POLD3: variants seen among roughly 807,000 people sequenced by gnomAD.
POLD3 encodes the protein DNA polymerase delta subunit 3.
In POLD3, 19 loss-of-function variants were observed where a neutral mutation model predicts 58.2. The observed-to-expected ratio is 0.33, with a 90% CI of 0.23 to 0.48. The LOEUF is 0.48. Among genes scored for constraint, POLD3 ranks in the 20% least tolerant of loss-of-function variants. The pLI is 0.99. For synonymous variants in POLD3, 172 were observed against 193.5 expected (o/e 0.89, Z 0.92); for missense variants, 504 against 545.5 (o/e 0.92, Z 0.76).
chr11:74,618,614 A>G lies in POLD3; in HGVS notation c.470A>G (p.Gln157Arg), dbSNP rs763403847. 1 of 1,613,984 alleles carries G rather than the reference A, an allele frequency of 6.2e-7. No homozygotes were observed. Among genetic ancestry groups the G allele is most frequent in the Non-Finnish European group, 8.5e-7 (1 of 1,179,934 alleles). The change falls in exon 6 of 12, where the codon CAG becomes CGG. Residue 157 changes from glutamine to arginine, a missense_variant. By Grantham distance (43) the Gln-to-Arg change is conservative. Around this residue, in one of 2 missense-constraint regions of POLD3, gnomAD observed 385 missense variants for 370.5 expected, o/e 1.04. Transcript: ENST00000263681. ...TCTTCGTCTTCCAAAAAGTTTGAGCAGTCACATCTTCACATGTCAAGTGAG... is the reference window on the plus strand; with the variant it reads ...TCTTCGTCTTCCAAAAAGTTTGAGCGGTCACATCTTCACATGTCAAGTGAG... Reference protein sequence around the residue: ...ESSSSSKKFEQSHLHMSSETQ... With the variant: ...ESSSSSKKFERSHLHMSSETQ...
intron 8 of POLD3, among the ~76,000 whole-genome samples, chr11:74,627,445 A>C (rs565965853): frequency 7.9e-5 from 12 of 151,860 alleles, no homozygotes; most frequent in Non-Finnish European, 1.5e-4. Context: ...AGTTAAAGTA[A>C]GCTGTTTATT....
rs1453976590 is a variant in POLD3 at position 74,668,815 on chromosome 11, G to T, written c.409G>T (p.Glu137Ter). ...GCAGTCCCACTCACTAGACATTTTG[G>T]AGCATTACGTGGAAATGCCCATCCA... The change falls in exon 5 of 5, where the codon GAG becomes TAG. Residue 137 changes from glutamate to a stop codon, truncating the protein, a stop_gained. Transcript: ENST00000524752. LOFTEE classifies it low-confidence loss of function (END_TRUNC). 7.8e-7 allele frequency: 1 copy of T among 1,286,612 alleles called. No homozygotes were observed. Among genetic ancestry groups the T allele is most frequent in the South Asian group, 1.2e-5 (1 of 80,862 alleles). The allele number at this position is 1,286,612 out of a possible 1,614,324, so 79.7% of individuals were successfully genotyped here. A position where few individuals can be genotyped will look rare whatever the true frequency, so the allele number is the denominator to read the frequency against.
intron 5 of POLD3, among the ~76,000 whole-genome samples, chr11:74,613,417 T>C (rs2135140713): frequency 1.1e-5 from 1 of 88,702 alleles, no homozygotes; most frequent in Non-Finnish European, 2.1e-5. Context: ...TGAGCTTCCA[T>C]AGCCAGGATC....
chr11:74,619,180 C>T (rs114844318), intron 6 of POLD3, among the ~76,000 whole-genome samples: 255 of 152,280 alleles, frequency 1.7e-3, no homozygotes, highest in African/African-American at 5.9e-3. Context: ...GCAACATATA[C>T]CTTCCTTCCT....
At position 74,618,593 on chromosome 11, in the gene POLD3, C is replaced by G. The variant is rs116112251; in HGVS notation, c.449C>G (p.Ser150Trp). ...CCTAGAGCTCCTGCTGAATCCTCTT[C>G]GTCTTCCAAAAAGTTTGAGCAGTCA... ...AVPRAPAESS[S>W]SSKKFEQSHL... is the part of the protein sequence containing the mutation. The change falls in exon 6 of 12, where the codon TCG becomes TGG. Residue 150 changes from serine (S) to tryptophan (W), a missense_variant. Physicochemically the swap from Ser to Trp is radical, Grantham distance 177 (BLOSUM62 -3). This residue lies in a region of POLD3 where 385 missense variants were observed against 370.5 expected (regional missense o/e 1.04). Coordinates refer to ENST00000263681, the MANE Select transcript of POLD3 (RefSeq NM_006591.3). The G allele has an allele frequency of 1.2e-6, 2 of 1,613,568 alleles. No homozygotes were observed.
At chr11:74,623,463 A>G in intron 7 of POLD3, among the ~76,000 whole-genome samples, 1 of 152,000 alleles carries the variant, frequency 6.6e-6, no homozygotes, top group Non-Finnish European at 1.5e-5. Flanking sequence ...TAAATAAGTA[A>G]ATAAAGGTTG....
intron 4 of POLD3, among the ~76,000 whole-genome samples, chr11:74,659,169 C>G (rs1182174272): frequency 6.6e-6 from 1 of 152,224 alleles, no homozygotes; most frequent in African/African-American, 2.4e-5. Context: ...CACATGGAAG[C>G]TGCCAAGGCT....
At chr11:74,652,195 T>C (rs1266605009) in intron 4 of POLD3, among the ~76,000 whole-genome samples, 1 of 152,218 alleles carries the variant, frequency 6.6e-6, no homozygotes, top group Non-Finnish European at 1.5e-5. Flanking sequence ...AAATTGAATG[T>C]CTCGAAAGCA....
chr11:74,593,349 A>G (rs1241705792), intron 1 of POLD3, among the ~76,000 whole-genome samples: 1 of 152,154 alleles, frequency 6.6e-6, no homozygotes, highest in Non-Finnish European at 1.5e-5. Context: ...TGAGGGGCCA[A>G]ATAACTTGTT....
intron 8 of POLD3, 88 bp from the exon 9 acceptor site, chr11:74,629,129 G>A (rs948828935): frequency 5.4e-6 from 4 of 743,198 alleles, no homozygotes; most frequent in African/African-American, 3.7e-5. Flanking sequence ...TTAAGACCAC[G>A]AGTTATAAAG....
chr11:74,623,269 T>TA (rs901647070), intron 7 of POLD3, among the ~76,000 whole-genome samples: 17 of 151,838 alleles, frequency 1.1e-4, no homozygotes, highest in South Asian at 4.2e-4. Flanking sequence ...CCATCTCTCC[T>TA]AAAAAAATAC....
chr11:74,599,010 A>G (rs2031383094), intron 2 of POLD3, among the ~76,000 whole-genome samples: 1 of 152,216 alleles, frequency 6.6e-6, no homozygotes, highest in South Asian at 2.1e-4. Flanking sequence ...ATGCCAATAC[A>G]TACTGAATGA....
At chr11:74,634,802 G>A in intron 10 of POLD3, 107 bp downstream of exon 10, 1 of 687,982 alleles carries the variant, frequency 1.5e-6, no homozygotes, top group South Asian at 1.5e-5. Context: ...ACAAATGCCA[G>A]TAGATGGCTC....
chr11:74,620,529 A>G (rs1168418685), intron 7 of POLD3, among the ~76,000 whole-genome samples: 1 of 152,066 alleles, frequency 6.6e-6, no homozygotes, highest in Non-Finnish European at 1.5e-5. Context: ...TTCTTCAGTT[A>G]TTTTTTGCAG....
At chr11:74,668,067 G>A (rs1384365004) in intron 4 of POLD3, among the ~76,000 whole-genome samples, 1 of 152,208 alleles carries the variant, frequency 6.6e-6, no homozygotes, top group Admixed American at 6.5e-5. Flanking sequence ...TAAACAAAAA[G>A]AGACAATAGC....
At chr11:74,626,749 A>G (rs2032444131) in intron 8 of POLD3, among the ~76,000 whole-genome samples, 1 of 152,162 alleles carries the variant, frequency 6.6e-6, no homozygotes, top group African/African-American at 2.4e-5. Flanking sequence ...AAGATTACTC[A>G]TGCGCTGCAT....
chr11:74,624,629 C>T (rs2032375963), intron 7 of POLD3, among the ~76,000 whole-genome samples: 1 of 152,162 alleles, frequency 6.6e-6, no homozygotes, highest in African/African-American at 2.4e-5. Context: ...AGCGTGAAGG[C>T]TAGATGACAT....
At chr11:74,665,759 C>T (rs938905245) in intron 4 of POLD3, among the ~76,000 whole-genome samples, 3 of 152,058 alleles carry the variant, frequency 2.0e-5, no homozygotes, top group Admixed American at 6.5e-5. Flanking sequence ...ACTTCCTCTA[C>T]CTCATAAAGG....
downstream of POLD3, among the ~76,000 whole-genome samples, chr11:74,645,938 A>C (rs538449409): frequency 1.1e-4 from 16 of 149,796 alleles, no homozygotes; most frequent in African/African-American, 3.9e-4. Context: ...GTGATGATTG[A>C]TGTTTTTTTT....
Sources: gnomAD v4.1 joint callset for allele counts (sites outside exome capture counted in the v4.1 genomes callset) on GRCh38, gnomAD v4.1.1 for gene constraint, gnomAD v4.1.1 regional missense constraint, MANE v1.5 for transcripts, NCBI Gene and HGNC (gene_info 2026-07-23, HGNC 2026-07-21) for gene names.